The following ABHD2 variants were observed in gnomAD, a reference collection of about 807,000 sequenced individuals.
The protein encoded by ABHD2 is abhydrolase domain containing 2, acylglycerol lipase, also known as monoacylglycerol lipase ABHD2.
A neutral mutation model predicts 48.1 loss-of-function variants in ABHD2; 20 were observed. That is an observed-to-expected ratio of 0.42 (90% CI 0.29 to 0.60). The LOEUF is 0.60. Ranked by LOEUF, ABHD2 falls within the 20% of genes least tolerant of loss-of-function variation. ABHD2 has a pLI of 0.24. For synonymous variants in ABHD2, 209 were observed against 214.2 expected (o/e 0.98, Z 0.21); for missense variants, 405 against 550.9 (o/e 0.74, Z 2.65).
the ABHD2 span, among the ~76,000 whole-genome samples, chr15:89,069,327 T>TAGTGGAAAA: frequency 6.6e-6 from 1 of 151,938 alleles, no homozygotes; most frequent in Non-Finnish European, 1.5e-5. Context: ...GAGGTCTCAC[T>TAGTGGAAAA]ATTTTTCCAA....
rs1220966671 is a variant in ABHD2 at position 89,097,861 on chromosome 15, AC to A, written c.-107+9299del. 6.6e-6 allele frequency among the ~76,000 whole-genome samples: 1 copy of A among 152,048 alleles called. No homozygotes were observed. The highest frequency in any genetic ancestry group is 2.4e-5 in the African/African-American group (1 of 41,380). On this transcript the variant is annotated intron_variant, in intron 1 of 10. Coordinates refer to ENST00000352732, the MANE Select transcript of ABHD2 (RefSeq NM_152924.5). The surrounding 1 kb of genome is among the most constrained non-coding windows in gnomAD (Gnocchi z 4.2). Reference sequence around the variant, plus strand: ...TGTTGTTCTGCTCCTTGTTTTAGTCACTTAACATGGAATTATACATGTTAGC... The same window carrying A: ...TGTTGTTCTGCTCCTTGTTTTAGTCATTAACATGGAATTATACATGTTAGC...
intron 10 of ABHD2, among the ~76,000 whole-genome samples, chr15:89,194,072 C>T (rs2051352156): frequency 6.6e-6 from 1 of 152,106 alleles, no homozygotes; most frequent in South Asian, 2.1e-4. Flanking sequence ...GCCTGGGCAA[C>T]AGAGCAAGAT....
At position 89,168,647 on chromosome 15, in the gene ABHD2, T is replaced by C. The variant is rs757575150; in HGVS notation, c.539-7165T>C. Among the ~76,000 whole-genome samples, 2 of 152,246 alleles carry C rather than the reference T, an allele frequency of 1.3e-5. No homozygotes were observed. Among genetic ancestry groups the C allele is most frequent in the Admixed American group, 6.5e-5 (1 of 15,282 alleles). On this transcript the variant is annotated intron_variant, in intron 5 of 10. Coordinates refer to ENST00000352732, the MANE Select transcript of ABHD2 (RefSeq NM_152924.5). The surrounding 1 kb of genome is among the most constrained non-coding windows in gnomAD (Gnocchi z 4.8). ...ATTAAATTGAGGCTCCCAAAGTGCC[T>C]ACACAATTAGCTGTAATTGCTCCTC...
At chr15:89,172,689 T>G (rs770034711) in intron 5 of ABHD2, among the ~76,000 whole-genome samples, 1 of 152,226 alleles carries the variant, frequency 6.6e-6, no homozygotes, top group Admixed American at 6.5e-5. Flanking sequence ...TGTTTATGTA[T>G]ATCACTTTAT....
chr15:89,044,565 G>C, the ABHD2 span, among the ~76,000 whole-genome samples: 1 of 151,602 alleles, frequency 6.6e-6, no homozygotes, highest in Non-Finnish European at 1.5e-5. Flanking sequence ...TCCAGCACCT[G>C]TTGTTTCCTG....
At chr15:89,070,431 C>G in the ABHD2 span, among the ~76,000 whole-genome samples, 1 of 152,188 alleles carries the variant, frequency 6.6e-6, no homozygotes, top group Non-Finnish European at 1.5e-5. Context: ...ATCCCTAATA[C>G]AAGCATCAGA....
rs553259214 is a variant in ABHD2, at chr15:89,137,116, G to A, written c.195-14561G>A. ...CTGTTTGCAGGACCAGTTCTCTAAC[G>A]GATCCAGGGTTCCAGTGGAACCCTG... On this transcript the variant is annotated intron_variant, in intron 3 of 10. Coordinates refer to ENST00000352732, the MANE Select transcript of ABHD2 (RefSeq NM_152924.5). The surrounding 1 kb of genome is among the most constrained non-coding windows in gnomAD (Gnocchi z 4.8). 2.0e-5 allele frequency among the ~76,000 whole-genome samples: 3 copies of A among 152,142 alleles called. No homozygotes were observed. The highest frequency in any genetic ancestry group is 2.1e-4 in the South Asian group (1 of 4,824).
chr15:89,126,298 T>A (rs2050130406), intron 3 of ABHD2, among the ~76,000 whole-genome samples: 1 of 152,188 alleles, frequency 6.6e-6, no homozygotes, highest in South Asian at 2.1e-4. Context: ...AGAATCCACC[T>A]TGGTTCACCA....
rs547787487 is a variant in ABHD2, at chr15:89,155,609, T to A, written c.538+75T>A. 2.0e-6 allele frequency: 3 copies of A among 1,535,958 alleles called. No individual in the cohort carries two copies. In the African/African-American group the frequency reaches 4.1e-5, roughly 21 times the overall value. On this transcript the variant is annotated intron_variant, in intron 5 of 10. Transcript: ENST00000352732. The surrounding 1 kb of genome is among the most constrained non-coding windows in gnomAD (Gnocchi z 4.9). ...CTTCTGCTTCTGCCTTGTTTTTTCT[T>A]TTTTTAAGTTTTAAACCTATGCCCA...
chr15:89,131,953 G>A (rs57025669), intron 3 of ABHD2, among the ~76,000 whole-genome samples: 22,682 of 152,038 alleles, frequency 0.15, 4,493 homozygotes, highest in African/African-American at 0.46. Context: ...TGGTAGGGAC[G>A]ACTAAAGGAG....
chr15:89,079,776 C>A, the ABHD2 span, among the ~76,000 whole-genome samples: 1 of 152,200 alleles, frequency 6.6e-6, no homozygotes, highest in Non-Finnish European at 1.5e-5. This position sits in a 1 kb window ranked among gnomAD's most constrained non-coding sequence, Gnocchi z 4.3. Flanking sequence ...AAAAGACTTC[C>A]TCCCTCCTTC....
At chr15:89,134,664 CTTA>C (rs759922343) in intron 3 of ABHD2, among the ~76,000 whole-genome samples, 3 of 151,918 alleles carry the variant, frequency 2.0e-5, no homozygotes, top group Admixed American at 1.3e-4. Flanking sequence ...ATATAAAAAT[CTTA>C]TTATTTTTAT....
At chr15:89,108,046 T>C (rs918032718) in intron 1 of ABHD2, among the ~76,000 whole-genome samples, 5 of 152,192 alleles carry the variant, frequency 3.3e-5, no homozygotes, top group Admixed American at 1.3e-4. Flanking sequence ...GGTGTTCATG[T>C]CAGTTAGCTG....
At position 89,201,243 on chromosome 15, in the gene ABHD2, TTG is replaced by T; in HGVS notation, c.*5821_*5822del. The T allele has an allele frequency of 7.7e-7, 1 of 1,295,934 alleles. No individual in the cohort carries two copies. The highest frequency in any genetic ancestry group is 1.1e-6 in the Non-Finnish European group (1 of 906,352). The allele number at this position is 1,295,934 out of a possible 1,614,324, so 80.3% of individuals were successfully genotyped here. The stretch of plus-strand genomic sequence containing the variant: ...AAACCTTCATCTCTCAGGTGTTGAT[TTG>T]CTTCTGATAGCTTCATCATTTCTCC... On this transcript the variant is annotated 3_prime_UTR_variant, in exon 11 of 11. Transcript: ENST00000352732.
At chr15:89,069,070 A>G in the ABHD2 span, among the ~76,000 whole-genome samples, 2 of 148,924 alleles carry the variant, frequency 1.3e-5, no homozygotes, top group African/African-American at 2.5e-5. Context: ...AGATATTGGT[A>G]TGTCACTTGG....
rs1596063904 is a variant in ABHD2 at position 89,101,958 on chromosome 15, A to ACAT, written c.-106-11767_-106-11766insCAT. Among the ~76,000 whole-genome samples the ACAT allele has an allele frequency of 3.3e-5, 5 of 152,332 alleles. No homozygotes were observed. In the East Asian group the frequency reaches 7.7e-4, roughly 23 times the overall value. ...CACTTCAGCCCCTCATATGAACAAC[A>ACAT]GTGCACAGCCCTATGCGCACAGCCA... On this transcript the variant is annotated intron_variant, in intron 1 of 10. Coordinates refer to ENST00000352732, the MANE Select transcript of ABHD2 (RefSeq NM_152924.5).
In ABHD2 at chr15:89,092,916, T is replaced by C. The variant is rs912118066; in HGVS notation, c.-107+4353T>C. On this transcript the variant is annotated intron_variant, in intron 1 of 10. Transcript: ENST00000352732. This position sits in a 1 kb window ranked among gnomAD's most constrained non-coding sequence, Gnocchi z 4.4. ...AGCTTTGCTGGAGATCTTAAAGATC[T>C]TGTGAATATTTGGAGGCAAATATTT... Among the ~76,000 whole-genome samples, 3 of 152,210 alleles carry C rather than the reference T, an allele frequency of 2.0e-5. No homozygotes were observed. Among genetic ancestry groups the C allele is most frequent in the Admixed American group, 2.0e-4 (3 of 15,280 alleles).
At position 89,091,571 on chromosome 15, in the gene ABHD2, G is replaced by A. The variant is rs1344783369; in HGVS notation, c.-107+3008G>A. On this transcript the variant is annotated intron_variant, in intron 1 of 10. Transcript: ENST00000352732. This position sits in a 1 kb window ranked among gnomAD's most constrained non-coding sequence, Gnocchi z 5.5. ...TCCGGCAGGACCCATAACCTCTGTA[G>A]TGGTTCTCACTGCCCTTGTTCAGAG... 6.6e-6 allele frequency among the ~76,000 whole-genome samples: 1 copy of A among 152,162 alleles called. No individual in the cohort carries two copies. Among genetic ancestry groups the A allele is most frequent in the Non-Finnish European group, 1.5e-5 (1 of 68,032 alleles).
At chr15:89,190,963 A>G in intron 8 of ABHD2, 117 bp from the exon 9 acceptor site, 2 of 923,154 alleles carry the variant, frequency 2.2e-6, no homozygotes, top group South Asian at 1.5e-5. Flanking sequence ...GCCTCTGTCT[A>G]CTCTACCAAT....
Sources: gnomAD v4.1 joint callset for allele counts (sites outside exome capture counted in the v4.1 genomes callset) on GRCh38, gnomAD v4.1.1 for gene constraint, Gnocchi (gnomAD v3.1) non-coding constraint, MANE v1.5 for transcripts, NCBI Gene and HGNC (gene_info 2026-07-23, HGNC 2026-07-21) for gene names.